ABHD2: variants seen among roughly 807,000 people sequenced by gnomAD.
The protein encoded by ABHD2 is monoacylglycerol lipase ABHD2.
In ABHD2, 20 loss-of-function variants were observed where a neutral mutation model predicts 48.1. The ratio of observed to expected loss-of-function variants is 0.42; its 90% CI spans 0.29 to 0.60. ABHD2 has a LOEUF of 0.60. Among genes scored for constraint, ABHD2 ranks in the 20% least tolerant of loss-of-function variants. The pLI is 0.24. For missense variants in ABHD2, 405 were observed against 550.9 expected, an observed-to-expected ratio of 0.74 and a Z score of 2.65; for synonymous variants, 209 against 214.2, an observed-to-expected ratio of 0.98 and a Z score of 0.21.
rs997340182 is a variant in ABHD2 at position 89,174,653 on chromosome 15, T to A, written c.539-1159T>A. ...CTGAGCTGGTGCCAAAGTCAACAAC[T>A]CCCGTTTCCATTGTAAATCCGTACT... On this transcript the variant is annotated intron_variant, in intron 5 of 10. Coordinates refer to ENST00000352732, the MANE Select transcript of ABHD2 (RefSeq NM_152924.5). The surrounding 1 kb of genome is among the most constrained non-coding windows in gnomAD (Gnocchi z 4.1). Among the ~76,000 whole-genome samples the A allele has an allele frequency of 7.2e-5, 11 of 152,206 alleles. No individual in the cohort carries two copies. The highest frequency in any genetic ancestry group is 1.5e-5 in the Non-Finnish European group (1 of 68,028).
In ABHD2 at chr15:89,133,162, T is replaced by C. The variant is rs538846105; in HGVS notation, c.194+16641T>C. 8.5e-5 allele frequency among the ~76,000 whole-genome samples: 13 copies of C among 152,336 alleles called. 1 individual carries two copies. The South Asian group carries it at 1.9e-3, about 22-fold the overall frequency. On this transcript the variant is annotated intron_variant, in intron 3 of 10. Transcript: ENST00000352732. ...TGTTGCCCTTGCTGTCAGTCGGCTC[T>C]TGTTTATCCTTCCATCTTTTCTTTG...
chr15:89,105,165 A>G (rs1172918210), intron 1 of ABHD2, among the ~76,000 whole-genome samples: 1 of 152,226 alleles, frequency 6.6e-6, no homozygotes, highest in Non-Finnish European at 1.5e-5. Context: ...CATAGCCAGT[A>G]CTATTCTTTC....
At position 89,197,741 on chromosome 15, in the gene ABHD2, G is replaced by A. The variant is rs1417413435; in HGVS notation, c.*2318G>A. 1 of 152,266 alleles carries A rather than the reference G, an allele frequency of 6.6e-6. No individual in the cohort carries two copies. Among genetic ancestry groups the A allele is most frequent in the Non-Finnish European group, 1.5e-5 (1 of 68,080 alleles). 9.4% of individuals were successfully genotyped at this position (152,266 alleles called of 1,614,324 possible). A position where few individuals can be genotyped will look rare whatever the true frequency, so the allele number is the denominator to read the frequency against. Reference sequence around the variant, plus strand: ...CACGGCAGTCCTGGTGGCCCCTGTGGAGGACAGGCAGGGCTGGCAGCATAG... The same window carrying A: ...CACGGCAGTCCTGGTGGCCCCTGTGAAGGACAGGCAGGGCTGGCAGCATAG... On this transcript the variant is annotated 3_prime_UTR_variant, in exon 11 of 11. Transcript: ENST00000352732. The surrounding 1 kb of genome is among the most constrained non-coding windows in gnomAD (Gnocchi z 4.4).
At chr15:89,152,050 A>G (rs2050600008) in intron 4 of ABHD2, among the ~76,000 whole-genome samples, 198 bp downstream of exon 4, 1 of 151,678 alleles carries the variant, frequency 6.6e-6, no homozygotes, top group Admixed American at 6.6e-5. Context: ...TCACCATGTA[A>G]AGCTCTTCAG....
At chr15:89,171,267 T>G (rs1408741262) in intron 5 of ABHD2, among the ~76,000 whole-genome samples, 1 of 152,158 alleles carries the variant, frequency 6.6e-6, no homozygotes, top group Non-Finnish European at 1.5e-5. Context: ...AATCAGAATC[T>G]CTGGAGGTGA....
chr15:89,125,208 A>G (rs529372809), intron 3 of ABHD2, among the ~76,000 whole-genome samples: 2 of 152,022 alleles, frequency 1.3e-5, no homozygotes, highest in East Asian at 1.9e-4. Flanking sequence ...GTGAGCCGAC[A>G]TTGCGCCACT....
rs567728449 is a variant in ABHD2 at position 89,114,144 on chromosome 15, C to T, written c.-7+320C>T. On this transcript the variant is annotated intron_variant, in intron 2 of 10. Transcript: ENST00000352732. This position sits in a 1 kb window ranked among gnomAD's most constrained non-coding sequence, Gnocchi z 4.2. ...TGCATCATCTTGGACATTTGTTTAG[C>T]CTTTGTTTGGCATCCGTGGCAGGGT... 6.6e-6 allele frequency among the ~76,000 whole-genome samples: 1 copy of T among 152,266 alleles called. No individual in the cohort carries two copies. The highest frequency in any genetic ancestry group is 1.9e-4 in the East Asian group (1 of 5,180).
Position 89,166,431 on chromosome 15 carries a change from C to G in ABHD2, c.539-9381C>G, listed in dbSNP as rs540165078. Among the ~76,000 whole-genome samples, 1 of 152,166 alleles carries G rather than the reference C, an allele frequency of 6.6e-6. No individual in the cohort carries two copies. Among genetic ancestry groups the G allele is most frequent in the African/African-American group, 2.4e-5 (1 of 41,434 alleles). On this transcript the variant is annotated intron_variant, in intron 5 of 10. Transcript: ENST00000352732. The surrounding 1 kb of genome is among the most constrained non-coding windows in gnomAD (Gnocchi z 4.6). ...ACGTGAAATCACAGCATTGAATTCT[C>G]TTGCTGGGAGGAGGAAATCTTTAAT...
At chr15:89,061,414 A>G in the ABHD2 span, among the ~76,000 whole-genome samples, 14 of 151,946 alleles carry the variant, frequency 9.2e-5, no homozygotes, top group Non-Finnish European at 1.9e-4. Flanking sequence ...GCAAAATTCC[A>G]TCTCGGAAAA....
chr15:89,059,263 G>A, the ABHD2 span, among the ~76,000 whole-genome samples: 10 of 152,204 alleles, frequency 6.6e-5, no homozygotes, highest in Non-Finnish European at 1.3e-4. Flanking sequence ...CCACCCAGGC[G>A]AGCCACTTGA....
chr15:89,134,745 T>A (rs2050276125), intron 3 of ABHD2, among the ~76,000 whole-genome samples: 1 of 152,234 alleles, frequency 6.6e-6, no homozygotes, highest in Admixed American at 6.5e-5. Flanking sequence ...AGTTTTCCAG[T>A]GCAAGTTCAT....
rs144801531 is a variant in ABHD2 at position 89,183,873 on chromosome 15, C to G, written c.723-1551C>G. ...CTGGGATTGCCAGAGACCACTGGCT[C>G]TCTGGGTGGCTTGGATCCAAAGTCA... On this transcript the variant is annotated intron_variant, in intron 6 of 10. Coordinates refer to ENST00000352732, the MANE Select transcript of ABHD2 (RefSeq NM_152924.5). 3.9e-5 allele frequency among the ~76,000 whole-genome samples: 6 copies of G among 152,252 alleles called. No individual in the cohort carries two copies. In the East Asian group the frequency reaches 5.8e-4, roughly 15 times the overall value.
chr15:89,135,855 G>A, intron 3 of ABHD2: 1 of 730,468 alleles, frequency 1.4e-6, no homozygotes, highest in Non-Finnish European at 2.5e-6. Flanking sequence ...ACTCAGAACA[G>A]AACAGAACAG....
the ABHD2 span, among the ~76,000 whole-genome samples, chr15:89,047,917 T>C: frequency 1.3e-5 from 2 of 148,456 alleles, 1 homozygote; most frequent in Non-Finnish European, 3.0e-5. Flanking sequence ...AATATTGTTA[T>C]GTGTGAATTT....
intron 1 of ABHD2, among the ~76,000 whole-genome samples, chr15:89,099,487 C>T (rs1395424900): frequency 6.6e-6 from 1 of 152,146 alleles, no homozygotes; most frequent in African/African-American, 2.4e-5. Flanking sequence ...GTGGCACATA[C>T]CTGCAGTCCC....
chr15:89,057,205 C>A, the ABHD2 span, among the ~76,000 whole-genome samples: 2 of 152,152 alleles, frequency 1.3e-5, no homozygotes, highest in African/African-American at 4.8e-5. Context: ...TGAGCCACTG[C>A]GCTAGGCCAG....
intron 1 of ABHD2, among the ~76,000 whole-genome samples, chr15:89,101,051 G>T (rs1055861769): frequency 6.6e-6 from 1 of 152,118 alleles, no homozygotes; most frequent in African/African-American, 2.4e-5. Context: ...GTCTTCTAAT[G>T]GTATTTCAGT....
At chr15:89,183,222 G>C (rs7496742) in intron 6 of ABHD2, 47,945 of 150,256 alleles carry the variant, frequency 0.32, 8,357 homozygotes, top group Non-Finnish European at 0.4. Flanking sequence ...TGTTTATTTT[G>C]CCAGTTGGCT....
At chr15:89,105,247 G>A (rs1384361531) in intron 1 of ABHD2, among the ~76,000 whole-genome samples, 3 of 152,306 alleles carry the variant, frequency 2.0e-5, no homozygotes, top group South Asian at 2.1e-4. Context: ...AAAAGTGCCC[G>A]ATTAAATGTT....
Sources: gnomAD v4.1 joint callset for allele counts (sites outside exome capture counted in the v4.1 genomes callset) on GRCh38, gnomAD v4.1.1 for gene constraint, Gnocchi (gnomAD v3.1) non-coding constraint, MANE v1.5 for transcripts, NCBI Gene and HGNC (gene_info 2026-07-23, HGNC 2026-07-21) for gene names.